Variants in ADCY7 observed in about 807,000 individuals in gnomAD.
ADCY7 encodes the protein adenylate cyclase 7, also known as adenylate cyclase type 7.
Under a neutral mutation model 120.6 loss-of-function variants are expected in ADCY7, and 72 were observed. The ratio of observed to expected loss-of-function variants is 0.60; its 90% CI spans 0.49 to 0.73. The LOEUF is 0.73. Ranked by LOEUF, ADCY7 falls within the 30% of genes least tolerant of loss-of-function variation. ADCY7 has a pLI of 0.00. For missense variants in ADCY7, 1,227 were observed against 1,486.0 expected (o/e 0.83, Z 2.87); for synonymous variants, 661 against 628.0 (o/e 1.05, Z -0.78).
chr16:50,290,278 C>T (rs1340446657), intron 2 of ADCY7, among the ~76,000 whole-genome samples, 179 bp from the exon 3 acceptor site: 1 of 152,182 alleles, frequency 6.6e-6, no homozygotes, highest in Non-Finnish European at 1.5e-5. Context: ...GTGGTTGAGG[C>T]AGCCTTGGCA....
intron 21 of ADCY7, 123 bp from the exon 22 acceptor site, chr16:50,312,767 C>A (rs1004761555): frequency 4.6e-6 from 4 of 862,962 alleles, no homozygotes; most frequent in African/African-American, 1.7e-5. Flanking sequence ...AGCCCGCCCC[C>A]CTCCCCACTC....
chr16:50,253,566 G>A (rs554328870), intron 1 of ADCY7, among the ~76,000 whole-genome samples: 33 of 152,296 alleles, frequency 2.2e-4, no homozygotes, highest in African/African-American at 7.0e-4. Flanking sequence ...AAATGGGTCC[G>A]TTTCTTACCT....
intron 1 of ADCY7, among the ~76,000 whole-genome samples, chr16:50,269,076 G>A (rs1596817340): frequency 1.3e-5 from 2 of 152,168 alleles, no homozygotes; most frequent in South Asian, 2.1e-4. Context: ...ACAAAAGTCC[G>A]ACTCGATGGT....
chr16:50,294,587 TGCTGTCTAGGAG>T, intron 6 of ADCY7, 41 bp from the exon 7 acceptor site: 2 of 1,191,892 alleles, frequency 1.7e-6, no homozygotes, highest in East Asian at 4.8e-5. Flanking sequence ...CTCCTGCTGC[TGCTGTCTAGGAG>T]CCTGGCTCTG....
intron 1 of ADCY7, among the ~76,000 whole-genome samples, chr16:50,249,689 A>G (rs1337822801): frequency 1.3e-5 from 2 of 152,220 alleles, no homozygotes; most frequent in Non-Finnish European, 2.9e-5. Flanking sequence ...CCAGTTTGCC[A>G]GGAGGTGGGG....
chr16:50,294,652 G>A lies in ADCY7; in HGVS notation c.849G>A (p.Ala283=), dbSNP rs201559199. ...GCCCCATCCCCAGCATCCTCTATGC[G>A]GACATCGTGGGCTTCACGCAGCTGG... ...KRHQNVSILY[A]DIVGFTQLAS... is the part of the protein sequence containing the mutation. The change falls in exon 7 of 26, where the codon GCG becomes GCA. Residue 283 remains alanine (A), a synonymous_variant. Transcript: ENST00000673801. 11 of 1,595,114 alleles carry A rather than the reference G, an allele frequency of 6.9e-6. No individual in the cohort carries two copies. The East Asian group carries it at 1.1e-4, about 16-fold the overall frequency.
Position 50,315,580 on chromosome 16 carries a change from G to A in ADCY7, c.*75G>A, listed in dbSNP as rs779414356. 4.5e-5 allele frequency: 70 copies of A among 1,548,810 alleles called. No individual in the cohort carries two copies. The highest frequency in any genetic ancestry group is 5.6e-5 in the Non-Finnish European group (64 of 1,137,230). On this transcript the variant is annotated 3_prime_UTR_variant, in exon 26 of 26. Coordinates refer to ENST00000673801, the MANE Select transcript of ADCY7 (RefSeq NM_001114.5). ...AAGCAAGCCCAGGAGAAGACTCTCCGCCCCACGCCAATCCCAAAGGCATGC... is the reference window on the plus strand; with the variant it reads ...AAGCAAGCCCAGGAGAAGACTCTCCACCCCACGCCAATCCCAAAGGCATGC...
At chr16:50,312,696 G>C (rs936110580) in intron 21 of ADCY7, among the ~76,000 whole-genome samples, 194 bp from the exon 22 acceptor site, 1 of 152,114 alleles carries the variant, frequency 6.6e-6, no homozygotes, top group Admixed American at 6.5e-5. Context: ...ACCTGAGCCT[G>C]ACCCTCCCTG....
At chr16:50,269,832 C>T (rs1445695685) in intron 1 of ADCY7, among the ~76,000 whole-genome samples, 1 of 152,110 alleles carries the variant, frequency 6.6e-6, no homozygotes, top group Non-Finnish European at 1.5e-5. Flanking sequence ...ACAGTGGATG[C>T]CTGTATCAGA....
rs1343674317 is a variant in ADCY7, at chr16:50,318,129, ACT to A, written c.*2626_*2627del. 6.6e-6 allele frequency: 1 copy of A among 152,256 alleles called. No homozygotes were observed. The highest frequency in any genetic ancestry group is 1.5e-5 in the Non-Finnish European group (1 of 68,028). The allele number at this position is 152,256 out of a possible 1,614,324, so 9.4% of individuals were successfully genotyped here. A position where few individuals can be genotyped will look rare whatever the true frequency, so the allele number is the denominator to read the frequency against. ...ATACATTAAATTAGCAATTTGAAAA[ACT>A]CAAATATCTGAAGGTATTTTATTTT... On this transcript the variant is annotated 3_prime_UTR_variant, in exon 26 of 26. Coordinates refer to ENST00000673801, the MANE Select transcript of ADCY7 (RefSeq NM_001114.5).
chr16:50,315,192 G>A (rs759307758), intron 25 of ADCY7, 54 bp downstream of exon 25: 93 of 1,603,554 alleles, frequency 5.8e-5, no homozygotes, highest in South Asian at 2.2e-5. Context: ...TTCCCCAGAG[G>A]TGAGGGGACT....
At chr16:50,247,678 C>CCTTT (rs996197641) in intron 1 of ADCY7, among the ~76,000 whole-genome samples, 21 of 151,872 alleles carry the variant, frequency 1.4e-4, no homozygotes, top group African/African-American at 4.3e-4. Context: ...CTGTGCCCAG[C>CCTTT]CTTTCTTTCT....
At chr16:50,249,322 C>T (rs1392595894) in intron 1 of ADCY7, among the ~76,000 whole-genome samples, 2 of 152,034 alleles carry the variant, frequency 1.3e-5, no homozygotes, top group Non-Finnish European at 2.9e-5. Flanking sequence ...TGCCTGTAGT[C>T]CCAGCTACTT....
At chr16:50,270,125 T>C (rs1272714624) in intron 1 of ADCY7, among the ~76,000 whole-genome samples, 1 of 151,934 alleles carries the variant, frequency 6.6e-6, no homozygotes, top group Non-Finnish European at 1.5e-5. Flanking sequence ...TGCAGTGAGC[T>C]GAGATCATGC....
chr16:50,284,104 G>T (rs1490723255), intron 1 of ADCY7, among the ~76,000 whole-genome samples: 1 of 152,186 alleles, frequency 6.6e-6, no homozygotes, highest in Non-Finnish European at 1.5e-5. Context: ...CGGGCAGGGG[G>T]TGCCTCTGGG....
Position 50,304,533 on chromosome 16 carries a change from C to T in ADCY7, c.1542C>T (p.Pro514=). 6.4e-7 allele frequency: 1 copy of T among 1,561,142 alleles called. No individual in the cohort carries two copies. Among genetic ancestry groups the T allele is most frequent in the Non-Finnish European group, 8.7e-7 (1 of 1,153,106 alleles). The change falls in exon 11 of 26, where the codon CCC becomes CCT. Residue 514 remains proline (P), a synonymous_variant. Transcript: ENST00000673801. ...TGAGCAGTGGTGAGACCCACGTCCC[C>T]AACGGGCGGAGGCCTAAGGTAGGTC... ...ESVSSGETHV[P]NGRRPKSVPQ...
At position 50,314,134 on chromosome 16, in the gene ADCY7, G is replaced by T. The variant is rs1036648607; in HGVS notation, c.2856+72G>T. On this transcript the variant is annotated intron_variant, in intron 23 of 25. Transcript: ENST00000673801. ...AGGTGACCTGTCACCTTACTTAAAG[G>T]GTGTGCCCTTATCTCGTCCTGGGGG... 4 of 1,501,888 alleles carry T rather than the reference G, an allele frequency of 2.7e-6. No individual in the cohort carries two copies. The East Asian group carries it at 9.1e-5, about 34-fold the overall frequency. 93.0% of individuals were successfully genotyped at this position (1,501,888 alleles called of 1,614,324 possible).
intron 18 of ADCY7, among the ~76,000 whole-genome samples, chr16:50,310,298 G>C (rs2036368833): frequency 1.3e-5 from 2 of 152,246 alleles, no homozygotes; most frequent in Admixed American, 1.3e-4. Context: ...GGGGTGTGAA[G>C]AGCGTGGTCT....
At chr16:50,298,267 G>A (rs573433320) in intron 7 of ADCY7, among the ~76,000 whole-genome samples, 1 of 152,036 alleles carries the variant, frequency 6.6e-6, no homozygotes, top group Non-Finnish European at 1.5e-5. Context: ...TGGCTACCTC[G>A]CAGTCTCTTC....
Sources: gnomAD v4.1 joint callset for allele counts (sites outside exome capture counted in the v4.1 genomes callset) on GRCh38, gnomAD v4.1.1 for gene constraint, MANE v1.5 for transcripts, NCBI Gene and HGNC (gene_info 2026-07-23, HGNC 2026-07-21) for gene names.